Variants in MSL3B observed in about 807,000 individuals in gnomAD.
MSL3B encodes the protein MSL complex subunit 3 pseudogene 1.
the MSL3B span, among the ~76,000 whole-genome samples, chr2:233,864,790 G>A: frequency 6.6e-6 from 1 of 152,250 alleles, no homozygotes; most frequent in East Asian, 1.9e-4. Flanking sequence ...TCAAACTCCA[G>A]TGCTCTAACC....
the MSL3B span, chr2:233,866,160 T>C: frequency 1.8e-4 from 114 of 621,474 alleles, no homozygotes; most frequent in Non-Finnish European, 3.2e-4. Context: ...TTCCTGGTGC[T>C]GTAATGCACC....
the MSL3B span, among the ~76,000 whole-genome samples, chr2:233,867,691 G>C: frequency 6.7e-6 from 1 of 149,790 alleles, no homozygotes; most frequent in East Asian, 2.0e-4. Context: ...TTGGCCAGGC[G>C]GGTCTCAAAC....
the MSL3B span, chr2:233,866,776 C>T: frequency 1.2e-6 from 1 of 816,490 alleles, no homozygotes; most frequent in Non-Finnish European, 2.2e-6. Flanking sequence ...GAGAGAGCTT[C>T]TCCTGGCTCC....
At chr2:233,867,483 CT>C in the MSL3B span, 55 of 339,380 alleles carry the variant, frequency 1.6e-4, no homozygotes, top group East Asian at 4.1e-4. Flanking sequence ...TTCTTTCTTT[CT>C]TTTTTTTGTG....
At chr2:233,867,696 T>A in the MSL3B span, among the ~76,000 whole-genome samples, 1 of 151,782 alleles carries the variant, frequency 6.6e-6, no homozygotes, top group Non-Finnish European at 1.5e-5. Context: ...CAGGCGGGTC[T>A]CAAACTCCTG....
At chr2:233,865,233 G>A in the MSL3B span, among the ~76,000 whole-genome samples, 2 of 152,118 alleles carry the variant, frequency 1.3e-5, no homozygotes, top group South Asian at 2.1e-4. Context: ...TAAATATGTG[G>A]GTTAGTTTTA....
the MSL3B span, chr2:233,867,094 AAGTTGCACTAACCGTTTC>A: frequency 3.8e-6 from 4 of 1,064,146 alleles, no homozygotes; most frequent in East Asian, 9.4e-5. Context: ...TGTGGCATGG[AAGTTGCACTAACCGTTTC>A]CTCCGATTAA....
the MSL3B span, chr2:233,866,911 T>TA: frequency 6.7e-7 from 1 of 1,482,192 alleles, no homozygotes; most frequent in East Asian, 2.3e-5. Context: ...AGGTTATTCT[T>TA]AATCCATCCA....
At chr2:233,868,242 G>T in the MSL3B span, 7 of 387,416 alleles carry the variant, frequency 1.8e-5, no homozygotes, top group Non-Finnish European at 3.2e-5. Flanking sequence ...TAGGTCGGAC[G>T]GCGTCCGACG....
the MSL3B span, among the ~76,000 whole-genome samples, chr2:233,864,718 A>G: frequency 2.0e-5 from 3 of 152,240 alleles, no homozygotes; most frequent in African/African-American, 7.2e-5. Flanking sequence ...TCAGTTCGAC[A>G]TTTAACCAAT....
the MSL3B span, chr2:233,868,267 G>A: frequency 1.4e-5 from 5 of 354,706 alleles, no homozygotes; most frequent in Non-Finnish European, 2.3e-5. Flanking sequence ...CGTCCCACGG[G>A]AGCCTACGCG....
chr2:233,866,621 C>T, the MSL3B span: 2 of 804,972 alleles, frequency 2.5e-6, no homozygotes, highest in Admixed American at 1.7e-5. Context: ...AAGCCTGTCA[C>T]AGTTGGCGGT....
At chr2:233,866,439 T>A in the MSL3B span, 1 of 1,251,530 alleles carries the variant, frequency 8.0e-7, no homozygotes, top group Middle Eastern at 1.9e-4. Context: ...TTAGTTCTTC[T>A]CCCTTCAAAG....
At chr2:233,866,069 T>G in the MSL3B span, 1 of 447,690 alleles carries the variant, frequency 2.2e-6, no homozygotes. Flanking sequence ...CTTGTTAATT[T>G]TTTACCTGGA....
the MSL3B span, chr2:233,866,620 A>G: frequency 7.4e-6 from 6 of 806,136 alleles, no homozygotes; most frequent in Non-Finnish European, 1.1e-5. Context: ...AAAGCCTGTC[A>G]CAGTTGGCGG....
At chr2:233,866,722 C>T in the MSL3B span, 2 of 793,060 alleles carry the variant, frequency 2.5e-6, no homozygotes, top group South Asian at 1.3e-5. Context: ...TCGACTGACT[C>T]TCTGTAGACT....
the MSL3B span, chr2:233,866,558 G>T: frequency 2.1e-6 from 2 of 936,006 alleles, no homozygotes; most frequent in Non-Finnish European, 3.6e-6. Flanking sequence ...GGGCACACTG[G>T]TGGACATGTC....
chr2:233,866,287 CATTTTTCCA>C, the MSL3B span: 2 of 756,844 alleles, frequency 2.6e-6, no homozygotes, highest in Admixed American at 3.5e-5. Context: ...CAGTAAAGGA[CATTTTTCCA>C]AGAATTTCTG....
chr2:233,866,344 G>A, the MSL3B span: 48 of 825,128 alleles, frequency 5.8e-5, no homozygotes, highest in Middle Eastern at 2.3e-4. Context: ...GTTGCGCCCC[G>A]TAAATGTAAG....
Sources: gnomAD v4.1 joint callset for allele counts (sites outside exome capture counted in the v4.1 genomes callset) on GRCh38, gnomAD v4.1.1 for gene constraint, MANE v1.5 for transcripts, NCBI Gene and HGNC (gene_info 2026-07-23, HGNC 2026-07-21) for gene names.